The following RAB30 variants were observed in gnomAD, a reference collection of about 807,000 sequenced individuals.
The protein encoded by RAB30 is RAB30, member RAS oncogene family.
In RAB30, 9 loss-of-function variants were observed where a neutral mutation model predicts 25.1. The observed-to-expected ratio is 0.36, with a 90% CI of 0.22 to 0.63. The LOEUF (loss-of-function observed/expected upper bound fraction) is 0.63. RAB30 is among the 20% of genes least tolerant of loss of function. The pLI is 0.69. For missense variants in RAB30, 140 were observed against 243.5 expected, an observed-to-expected ratio of 0.58 and a Z score of 2.83; for synonymous variants, 77 against 86.4, an observed-to-expected ratio of 0.89 and a Z score of 0.60.
chr11:83,067,995 G>T (rs573327721), intron 1 of RAB30, among the ~76,000 whole-genome samples: 1 of 151,914 alleles, frequency 6.6e-6, no homozygotes, highest in East Asian at 1.9e-4. Flanking sequence ...GGGAGTGGTG[G>T]GTGCCTGTAA....
chr11:83,036,791 C>T (rs1016539622), intron 1 of RAB30, among the ~76,000 whole-genome samples: 3 of 152,044 alleles, frequency 2.0e-5, no homozygotes, highest in African/African-American at 7.2e-5. Flanking sequence ...AGGAAAAGAG[C>T]GCAGGCAATA....
chr11:82,983,177 G>A (rs1023717678), intron 4 of RAB30, among the ~76,000 whole-genome samples: 54 of 151,882 alleles, frequency 3.6e-4, no homozygotes, highest in African/African-American at 1.3e-3. Context: ...TTTAATAGAA[G>A]ACTAGACCAA....
intron 2 of RAB30, among the ~76,000 whole-genome samples, chr11:82,994,639 T>G (rs1326394640): frequency 1.3e-5 from 2 of 152,182 alleles, no homozygotes; most frequent in African/African-American, 4.8e-5. Flanking sequence ...GAACTCAGCA[T>G]GAGAAGCGGG....
At chr11:82,984,260 G>A (rs980467827) in intron 4 of RAB30, among the ~76,000 whole-genome samples, 1 of 152,304 alleles carries the variant, frequency 6.6e-6, no homozygotes, top group African/African-American at 2.4e-5. Context: ...TTCCCTGAAT[G>A]TGGTGACTTC....
At chr11:83,005,589 T>G (rs1857167378) in intron 1 of RAB30, among the ~76,000 whole-genome samples, 1 of 152,040 alleles carries the variant, frequency 6.6e-6, no homozygotes, top group African/African-American at 2.4e-5. Context: ...TAAAATAAAT[T>G]CTGGATGGAT....
intron 1 of RAB30, among the ~76,000 whole-genome samples, chr11:83,067,489 T>C (rs1379078627): frequency 1.3e-5 from 2 of 152,126 alleles, no homozygotes; most frequent in East Asian, 3.9e-4. Context: ...GAGTGAAAGA[T>C]CTTAGATGTC....
chr11:82,996,206 T>G (rs971478781), intron 2 of RAB30, among the ~76,000 whole-genome samples: 3 of 152,192 alleles, frequency 2.0e-5, no homozygotes, highest in Admixed American at 2.0e-4. Flanking sequence ...TCTAGCTATT[T>G]GTTATTCAAT....
At chr11:83,046,643 A>T (rs1032391986) in intron 1 of RAB30, among the ~76,000 whole-genome samples, 1 of 151,966 alleles carries the variant, frequency 6.6e-6, no homozygotes, top group African/African-American at 2.4e-5. Context: ...ACAGGTGTGT[A>T]CCACCATACC....
At chr11:83,057,445 A>G (rs1471074819) in intron 1 of RAB30, among the ~76,000 whole-genome samples, 1 of 152,188 alleles carries the variant, frequency 6.6e-6, no homozygotes, top group Non-Finnish European at 1.5e-5. Flanking sequence ...AACTCTTAGA[A>G]AGCAAAGTTC....
intron 1 of RAB30, among the ~76,000 whole-genome samples, chr11:83,028,914 G>A (rs575022555): frequency 2.6e-5 from 4 of 152,252 alleles, no homozygotes; most frequent in African/African-American, 9.6e-5. Flanking sequence ...GCATGCACCT[G>A]TGGTCCCAGG....
At chr11:83,015,603 G>C (rs916830418) in intron 1 of RAB30, among the ~76,000 whole-genome samples, 1 of 152,156 alleles carries the variant, frequency 6.6e-6, no homozygotes, top group African/African-American at 2.4e-5. Flanking sequence ...AGATACAAAC[G>C]TGAGGGTCAC....
rs953373514 is a variant in RAB30, at chr11:83,071,800, A to G, written c.-118T>C. ...TGTCCTGAGTCCAAGGGCTGGAGTC[A>G]GTCCCTGCCCTGGTGCTGCTGCTAC... On this transcript the variant is annotated 5_prime_UTR_variant, in exon 1 of 5. Transcript: ENST00000527633. The G allele has an allele frequency of 3.1e-6, 1 of 325,336 alleles. No homozygotes were observed. Among genetic ancestry groups the G allele is most frequent in the Non-Finnish European group, 5.5e-6 (1 of 180,396 alleles). The allele number at this position is 325,336 out of a possible 1,614,324, so 20.2% of individuals were successfully genotyped here. A position where few individuals can be genotyped will look rare whatever the true frequency, so the allele number is the denominator to read the frequency against.
At chr11:83,040,204 A>C (rs1204672661) in intron 1 of RAB30, among the ~76,000 whole-genome samples, 1 of 152,210 alleles carries the variant, frequency 6.6e-6, no homozygotes, top group Non-Finnish European at 1.5e-5. Context: ...CTAAGACAGA[A>C]ATGAAAGAAA....
chr11:83,047,531 A>G (rs1858258650), intron 1 of RAB30, among the ~76,000 whole-genome samples: 1 of 152,224 alleles, frequency 6.6e-6, no homozygotes, highest in Non-Finnish European at 1.5e-5. Flanking sequence ...AGGAATTCAA[A>G]TATTTATGTC....
chr11:83,021,454 G>C (rs1457494545), intron 1 of RAB30, among the ~76,000 whole-genome samples: 1 of 152,212 alleles, frequency 6.6e-6, no homozygotes, highest in Admixed American at 6.5e-5. Context: ...AGCTGGGAAA[G>C]CTGCTTGCGG....
intron 1 of RAB30, among the ~76,000 whole-genome samples, chr11:83,051,330 G>T (rs955580209): frequency 6.6e-6 from 1 of 152,108 alleles, no homozygotes. Flanking sequence ...TGAAATTTGG[G>T]GGCTGGTAGG....
Position 82,977,371 on chromosome 11 carries a change from A to G in RAB30, c.*4794T>C, listed in dbSNP as rs1039173319. On this transcript the variant is annotated 3_prime_UTR_variant, in exon 5 of 5. Transcript: ENST00000527633. ...GGCCCCATTAAAAAAATCATTAGCTATGAATTAACAGATATTTAATTGAAC... is the reference window on the plus strand; with the variant it reads ...GGCCCCATTAAAAAAATCATTAGCTGTGAATTAACAGATATTTAATTGAAC... The G allele has an allele frequency of 5.3e-5, 8 of 152,206 alleles. No individual in the cohort carries two copies. Among genetic ancestry groups the G allele is most frequent in the African/African-American group, 1.7e-4 (7 of 41,454 alleles). The allele number at this position is 152,206 out of a possible 1,614,324, so 9.4% of individuals were successfully genotyped here.
rs189944477 is a variant in RAB30 at position 82,976,761 on chromosome 11, G to A, written c.*5404C>T. ...CATAAAAAAAGACCAATGAAGAGCC[G>A]TCTATCAGCCTTGCAAGGGTGAAAG... On this transcript the variant is annotated 3_prime_UTR_variant, in exon 5 of 5. Coordinates refer to ENST00000527633, the MANE Select transcript of RAB30 (RefSeq NM_001286060.2). 1.8e-3 allele frequency: 273 copies of A among 152,228 alleles called. No homozygotes were observed. The highest frequency in any genetic ancestry group is 6.2e-3 in the African/African-American group (257 of 41,530). 9.4% of individuals were successfully genotyped at this position (152,228 alleles called of 1,614,324 possible).
At chr11:82,982,465 G>A (rs1199053768) in intron 4 of RAB30, 50 bp from the exon 5 acceptor site, 9 of 1,577,688 alleles carry the variant, frequency 5.7e-6, no homozygotes, top group African/African-American at 2.7e-5. Context: ...ACTTTTTGCA[G>A]GCTGAGAAGC....
Sources: allele counts gnomAD v4.1 joint callset (sites outside exome capture counted in the v4.1 genomes callset), GRCh38; gene constraint gnomAD v4.1.1; transcripts MANE v1.5; gene names NCBI Gene and HGNC (gene_info 2026-07-23, HGNC 2026-07-21).